The following NR5A2 variants were observed in gnomAD, a reference collection of about 807,000 sequenced individuals.
The protein encoded by NR5A2 is CYP7A promoter-binding factor.
NR5A2 carries 26 observed loss-of-function variants against 62.7 expected under a neutral mutation model. The observed-to-expected ratio is 0.41, with a 90% CI of 0.30 to 0.58. NR5A2 has a LOEUF of 0.58. NR5A2 is among the 20% of genes least tolerant of loss of function. NR5A2 has a pLI of 0.22. For synonymous variants in NR5A2, 246 were observed against 241.7 expected (o/e 1.02, Z -0.16); for missense variants, 541 against 669.1 (o/e 0.81, Z 2.11).
In NR5A2 at chr1:200,039,816, G is replaced by C; in HGVS notation, c.202+21G>C. 6.3e-7 allele frequency: 1 copy of C among 1,586,406 alleles called. No homozygotes were observed. The highest frequency in any genetic ancestry group is 8.6e-7 in the Non-Finnish European group (1 of 1,169,030). On this transcript the variant is annotated intron_variant, in intron 2 of 7. Coordinates refer to ENST00000367362, the MANE Select transcript of NR5A2 (RefSeq NM_205860.3). The surrounding 1 kb of genome is among the most constrained non-coding windows in gnomAD (Gnocchi z 5.1). ...GCAAGGTAAGGAGGCGCCGCGCGGC[G>C]CTCCGGCTCCCGCTGCTTCCCCACC...
intron 6 of NR5A2, among the ~76,000 whole-genome samples, chr1:200,112,348 G>C (rs986818273): frequency 6.6e-6 from 1 of 152,152 alleles, no homozygotes; most frequent in Non-Finnish European, 1.5e-5. Context: ...CAACTGATGT[G>C]CTATTTAAAT....
At chr1:200,070,713 T>C (rs1443930145) in intron 5 of NR5A2, among the ~76,000 whole-genome samples, 2 of 150,486 alleles carry the variant, frequency 1.3e-5, no homozygotes, top group African/African-American at 4.9e-5. Context: ...TGTTCCTGCA[T>C]AATAACTTTT....
At chr1:200,153,001 G>T (rs1408632390) in intron 7 of NR5A2, among the ~76,000 whole-genome samples, 2 of 152,196 alleles carry the variant, frequency 1.3e-5, no homozygotes, top group Non-Finnish European at 1.5e-5. Flanking sequence ...CATCTGCAAG[G>T]TTAGCCTTTC....
chr1:200,061,193 TCAGAAAACTAA>T (rs1021417318), intron 5 of NR5A2, among the ~76,000 whole-genome samples: 5 of 150,614 alleles, frequency 3.3e-5, no homozygotes, highest in Non-Finnish European at 5.9e-5. Context: ...ATCATTTCTC[TCAGAAAACTAA>T]CAGAAAACCA....
chr1:200,160,772 A>G (rs1383023776), intron 7 of NR5A2, among the ~76,000 whole-genome samples: 1 of 151,670 alleles, frequency 6.6e-6, no homozygotes, highest in Admixed American at 6.6e-5. Flanking sequence ...CTGGAGCTTA[A>G]ATTTGGCTTA....
Position 200,048,300 on chromosome 1 carries a change from C to G in NR5A2, c.592C>G (p.Gln198Glu), listed in dbSNP as rs1662469610. 6.2e-7 allele frequency: 1 copy of G among 1,614,012 alleles called. No individual in the cohort carries two copies. The highest frequency in any genetic ancestry group is 1.7e-5 in the Admixed American group (1 of 60,004). Residue 198 changes from glutamine (Q) to glutamate (E), a missense_variant, in exon 5 of 8, where the codon CAG (glutamine) becomes GAG (glutamate). Coordinates refer to ENST00000367362, the MANE Select transcript of NR5A2 (RefSeq NM_205860.3). This position sits in a 1 kb window ranked among gnomAD's most constrained non-coding sequence, Gnocchi z 4.8. ...ANGLKLEAMS[Q>E]VIQAMPSDLT... is the part of the protein sequence containing the mutation. ...TGGACTTAAGCTAGAAGCCATGTCT[C>G]AGGTGATCCAAGCTATGCCCTCTGA... is the stretch of plus-strand genomic sequence containing the variant.
chr1:200,152,488 G>T (rs1253644111), intron 7 of NR5A2, among the ~76,000 whole-genome samples: 1 of 152,062 alleles, frequency 6.6e-6, no homozygotes, highest in Non-Finnish European at 1.5e-5. Context: ...AGAATGTTAA[G>T]AAACTACAAA....
intron 7 of NR5A2, among the ~76,000 whole-genome samples, chr1:200,137,078 G>A (rs933422619): frequency 1.3e-5 from 2 of 151,738 alleles, no homozygotes; most frequent in Non-Finnish European, 2.9e-5. Flanking sequence ...CAAGCAGTCC[G>A]CCAGCCTCAG....
intron 7 of NR5A2, among the ~76,000 whole-genome samples, chr1:200,141,000 C>T (rs1389102581): frequency 6.6e-6 from 1 of 151,614 alleles, no homozygotes; most frequent in Non-Finnish European, 1.5e-5. Context: ...CATTGCACTC[C>T]AGCCTGGGCA....
intron 5 of NR5A2, among the ~76,000 whole-genome samples, chr1:200,059,106 T>A (rs1663068294): frequency 6.6e-6 from 1 of 152,026 alleles, no homozygotes; most frequent in South Asian, 2.1e-4. Flanking sequence ...TGAGACTTTG[T>A]CTTAAAAATA....
intron 7 of NR5A2, among the ~76,000 whole-genome samples, chr1:200,167,646 A>C (rs1333282867): frequency 1.3e-5 from 2 of 152,138 alleles, no homozygotes; most frequent in African/African-American, 4.8e-5. Flanking sequence ...TTGGAACAAA[A>C]TCCAGACCAT....
Position 200,048,313 on chromosome 1 carries a change from C to A in NR5A2, c.605C>A (p.Ala202Asp). ...GAAGCCATGTCTCAGGTGATCCAAGCTATGCCCTCTGACCTGACCATTTCC... is the reference window on the plus strand; with the variant it reads ...GAAGCCATGTCTCAGGTGATCCAAGATATGCCCTCTGACCTGACCATTTCC... ...KLEAMSQVIQ[A>D]MPSDLTISSA... The change falls in exon 5 of 8, where the codon GCT becomes GAT. Residue 202 changes from alanine (A) to aspartate (D), a missense_variant. Physicochemically the swap from Ala to Asp is moderately radical, Grantham distance 126. This residue lies in a region of NR5A2 where 379 missense variants were observed against 442.0 expected (regional missense o/e 0.86). Coordinates refer to ENST00000367362, the MANE Select transcript of NR5A2 (RefSeq NM_205860.3). This position sits in a 1 kb window ranked among gnomAD's most constrained non-coding sequence, Gnocchi z 4.8. 1 of 1,614,148 alleles carries A rather than the reference C, an allele frequency of 6.2e-7. No individual in the cohort carries two copies. Among genetic ancestry groups the A allele is most frequent in the African/African-American group, 1.3e-5 (1 of 75,040 alleles).
At chr1:200,101,126 A>G (rs1665344970) in intron 5 of NR5A2, among the ~76,000 whole-genome samples, 1 of 152,204 alleles carries the variant, frequency 6.6e-6, no homozygotes, top group Non-Finnish European at 1.5e-5. Context: ...ACAGATATTT[A>G]CTGTTGAATT....
chr1:200,053,995 C>T (rs542631475), intron 5 of NR5A2: 1 of 152,306 alleles, frequency 6.6e-6, no homozygotes, highest in Admixed American at 6.5e-5. Context: ...CTACTAGAAG[C>T]TGGGCATGTT....
chr1:200,142,188 CTTTTTTTTTTTTTTTT>C (rs535827114), intron 7 of NR5A2, among the ~76,000 whole-genome samples: 3 of 55,418 alleles, frequency 5.4e-5, no homozygotes, highest in Admixed American at 5.2e-4. Flanking sequence ...TTAAAGACTT[CTTTTTTTTTTTTTTTT>C]TTTTTTTTTT....
chr1:200,035,892 G>A (rs951887337), intron 1 of NR5A2, among the ~76,000 whole-genome samples: 1 of 152,198 alleles, frequency 6.6e-6, no homozygotes, highest in Non-Finnish European at 1.5e-5. Flanking sequence ...TTGAGAACGC[G>A]CAAGGTAGTT....
At chr1:200,032,666 GAT>G (rs148188489) in intron 1 of NR5A2, among the ~76,000 whole-genome samples, 6 of 149,688 alleles carry the variant, frequency 4.0e-5, no homozygotes, top group Non-Finnish European at 7.4e-5. Context: ...AAGGGGAACT[GAT>G]ATATATATAT....
At chr1:200,038,835 G>T in intron 1 of NR5A2, 1 of 1,136,042 alleles carries the variant, frequency 8.8e-7, no homozygotes. Context: ...AGGGGGTGAG[G>T]CGGGGTGAAG....
intron 3 of NR5A2, among the ~76,000 whole-genome samples, chr1:200,045,133 T>C (rs1316133922): frequency 6.6e-6 from 1 of 151,782 alleles, no homozygotes; most frequent in East Asian, 1.9e-4. Context: ...AATAGGAAAA[T>C]AGATTAAAAA....
Sources: gnomAD v4.1 joint callset for allele counts (sites outside exome capture counted in the v4.1 genomes callset) on GRCh38, gnomAD v4.1.1 for gene constraint, gnomAD v4.1.1 regional missense constraint, Gnocchi (gnomAD v3.1) non-coding constraint, MANE v1.5 for transcripts, NCBI Gene and HGNC (gene_info 2026-07-23, HGNC 2026-07-21) for gene names.